Variants in CACNA1F observed in about 807,000 individuals in gnomAD.
The protein encoded by CACNA1F is calcium voltage-gated channel subunit alpha1 F.
Under a neutral mutation model 143.8 loss-of-function variants are expected in CACNA1F, and 59 were observed. The observed-to-expected ratio is 0.41, with a 90% CI of 0.33 to 0.51. The LOEUF (loss-of-function observed/expected upper bound fraction) is 0.51. CACNA1F is among the 20% of genes least tolerant of loss of function. CACNA1F has a pLI of 0.22. For synonymous variants in CACNA1F, 643 were observed against 649.1 expected (o/e 0.99, Z 0.14); for missense variants, 1,411 against 1,647.5 (o/e 0.86, Z 2.48).
intron 47 of CACNA1F, 40 bp from the exon 48 acceptor site, chrX:49,205,407 G>T: frequency 9.9e-7 from 1 of 1,006,814 alleles, no homozygotes; most frequent in South Asian, 2.0e-5. Context: ...GGACGGCACA[G>T]TGTGCACAGA....
rs781896787 is a variant in CACNA1F at position 49,210,364 on chromosome X, T to C, written c.4525A>G (p.Thr1509Ala). 17 of 1,206,417 alleles carry C rather than the reference T, an allele frequency of 1.4e-5. No homozygotes were observed. The highest frequency in any genetic ancestry group is 1.8e-5 in the Non-Finnish European group (16 of 892,131). The change falls in exon 39 of 48, where the codon ACG (threonine) becomes GCG (alanine). Residue 1509 changes from threonine to alanine, a missense_variant. Transcript: ENST00000323022. ...AMNMPLNSDGTVTFNATLFAL... is the reference protein window; with the variant it reads ...AMNMPLNSDGAVTFNATLFAL... ...AAGAGTGTGGCGTTGAATGTCACCG[T>C]CCCATCTGAGTTGAGGGGCATGTTC...
Position 49,211,431 on chromosome X carries a change from C to A in CACNA1F, c.4151G>T (p.Gly1384Val). The A allele has an allele frequency of 8.3e-7, 1 of 1,210,706 alleles. No homozygotes were observed. Residue 1384 changes from glycine to valine, a missense_variant, in exon 36 of 48, where the codon GGA (glycine) becomes GTA (valine). Gly to Val is a moderately radical substitution (Grantham distance 109). This residue lies in a region of CACNA1F where 112 missense variants were observed against 169.2 expected (regional missense o/e 0.66). Transcript: ENST00000323022. ...GTCAGACTCAGGATCACACCGATTT[C>A]CGGGAAGGCTGGCAAGCATTATCTC... The part of the protein sequence containing the change: ...WQEIMLASLP[G>V]NRCDPESDFG...
At chrX:49,230,431 C>T in intron 5 of CACNA1F, 36 bp downstream of exon 5, 6 of 1,207,384 alleles carry the variant, frequency 5.0e-6, no homozygotes, top group Non-Finnish European at 6.7e-6. Context: ...CCCACCCCCA[C>T]CCTCCACCTC....
intron 27 of CACNA1F, 97 bp from the exon 28 acceptor site, chrX:49,215,640 G>C (rs1268412281): frequency 1.8e-6 from 1 of 564,096 alleles, no homozygotes; most frequent in Non-Finnish European, 2.8e-6. Flanking sequence ...AGACACCCCA[G>C]AGTTTCCTGC....
rs782295388 is a variant in CACNA1F, at chrX:49,228,273, C to G, written c.992G>C (p.Gly331Ala). The G allele has an allele frequency of 1.7e-5, 20 of 1,210,430 alleles. No individual in the cohort carries two copies. The highest frequency in any genetic ancestry group is 1.2e-4 in the African/African-American group (7 of 57,511). Reference protein sequence around the residue: ...LTVFQCVTMEGWTDVLYWMQD... With the variant: ...LTVFQCVTMEAWTDVLYWMQD... ...CACCCAGTAGAGCACATCGGTCCAG[C>G]CTTCCATGGTGACACACTGGAAGAC... is the stretch of plus-strand genomic sequence containing the variant. Residue 331 changes from glycine (G) to alanine (A), a missense_variant, in exon 7 of 48, where the codon GGC becomes GCC. This residue lies in a region of CACNA1F where 950 missense variants were observed against 1,128.1 expected (regional missense o/e 0.84). Coordinates refer to ENST00000323022, the MANE Select transcript of CACNA1F (RefSeq NM_001256789.3).
intron 36 of CACNA1F, 31 bp from the exon 37 acceptor site, chrX:49,211,123 G>A: frequency 8.3e-7 from 1 of 1,202,774 alleles, no homozygotes. Flanking sequence ...GAGCAGTTAG[G>A]TGAAGGGCAG....
rs782530813 is a variant in CACNA1F, at chrX:49,212,702, G to A, written c.3907C>T (p.Arg1303Cys). ...VKLLSKGEGI[R>C]TLLWTFIKSF... is the part of the protein sequence containing the mutation. ...TTGATGAATGTCCAGAGCAATGTGC[G>A]GATCCCTTCACCCTTACTGAGAAGC... Residue 1303 changes from arginine to cysteine, a missense_variant, in exon 33 of 48, where the codon CGC becomes TGC. By Grantham distance (180) the Arg-to-Cys change is radical (BLOSUM62 -3). This residue lies in a region of CACNA1F where 950 missense variants were observed against 1,128.1 expected (regional missense o/e 0.84). Coordinates refer to ENST00000323022, the MANE Select transcript of CACNA1F (RefSeq NM_001256789.3). The A allele has an allele frequency of 2.1e-5, 25 of 1,206,968 alleles. No homozygotes were observed. The highest frequency in any genetic ancestry group is 4.6e-4 in the Middle Eastern group (2 of 4,363).
chrX:49,205,294 G>T lies in CACNA1F; in HGVS notation c.5744C>A (p.Ala1915Glu), dbSNP rs1557104543. Residue 1915 changes from alanine (A) to glutamate (E), a missense_variant, in exon 48 of 48, where the codon GCA becomes GAA. Transcript: ENST00000323022. ...RFVALAKQEI[A>E]DACRLTLDEM... ...ATCCAGCGTCAGGCGACACGCATCT[G>T]CAATCTCCTGCTTGGCCAGGGCCAC... 8.3e-6 allele frequency: 10 copies of T among 1,209,768 alleles called. No homozygotes were observed. Among genetic ancestry groups the T allele is most frequent in the Non-Finnish European group, 1.1e-5 (10 of 894,495 alleles).
In CACNA1F at chrX:49,224,984, A is replaced by G; in HGVS notation, c.1654T>C (p.Tyr552His). Residue 552 changes from tyrosine (Y) to histidine (H), a missense_variant and splice_region_variant, in exon 14 of 48, where the codon TAT becomes CAT. Transcript: ENST00000323022. ...QPVWLTQIQE[Y>H]ANKVLLCLFT... ...AGACAGAGCAACACTTTGTTGGCAT[A>G]CTCTGTGGGGAGAGAGGCAGGGATG... is the stretch of plus-strand genomic sequence containing the variant. 1 of 1,164,585 alleles carries G rather than the reference A, an allele frequency of 8.6e-7. No individual in the cohort carries two copies. The highest frequency in any genetic ancestry group is 1.2e-6 in the Non-Finnish European group (1 of 856,109).
At chrX:49,217,356 C>T (rs1394592282) in intron 26 of CACNA1F, among the ~76,000 whole-genome samples, 1 of 112,880 alleles carries the variant, frequency 8.9e-6, no homozygotes, top group African/African-American at 3.2e-5. Flanking sequence ...GAGATAGGCA[C>T]TGTTTAGCCC....
chrX:49,218,176 C>T (rs975323676), intron 24 of CACNA1F, among the ~76,000 whole-genome samples, 171 bp from the exon 25 acceptor site: 14 of 111,523 alleles, frequency 1.3e-4, no homozygotes, highest in South Asian at 3.8e-4. Flanking sequence ...GGGCTAGAGA[C>T]GTGTGGGCAT....
rs41312124 is a variant in CACNA1F at position 49,219,318 on chromosome X, C to T, written c.2673+3G>A. On this transcript the variant is annotated splice_donor_region_variant and intron_variant, in intron 21 of 47. Coordinates refer to ENST00000323022, the MANE Select transcript of CACNA1F (RefSeq NM_001256789.3). ...AGCTCCTAGCTCCCAGCCAAAGGCT[C>T]ACATGGTTGCGGAAGGAGTGGGCTC... 0.055 allele frequency: 66,591 copies of T among 1,205,572 alleles called. 1,438 individuals are homozygous for T. Among genetic ancestry groups the T allele is most frequent in the Non-Finnish European group, 0.063 (56,239 of 893,351 alleles).
rs1305695311 is a variant in CACNA1F at position 49,205,775 on chromosome X, C to T, written c.5511G>A (p.Leu1837=). 1.4e-5 allele frequency: 17 copies of T among 1,204,387 alleles called. No homozygotes were observed. The highest frequency in any genetic ancestry group is 3.5e-5 in the African/African-American group (2 of 57,599). Residue 1837 remains leucine, a synonymous_variant, in exon 47 of 48, where the codon CTG becomes CTA. Transcript: ENST00000323022. ...WATPPQRGRL[L]YAPLLLVEEG... ...CTTCCACCAACAACAGCGGGGCATA[C>T]AGGAGCCGACCCCGCTGAGGTGGTG...
intron 23 of CACNA1F, 22 bp downstream of exon 23, chrX:49,218,607 G>A: frequency 8.4e-7 from 1 of 1,183,780 alleles, no homozygotes; most frequent in Non-Finnish European, 1.1e-6. Context: ...GGAATGGGGT[G>A]GGCTGGGGAT....
At position 49,205,266 on chromosome X, in the gene CACNA1F, C is replaced by G; in HGVS notation, c.5772G>C (p.Glu1924Asp). The G allele has an allele frequency of 8.3e-7, 1 of 1,210,135 alleles. No homozygotes were observed. Among genetic ancestry groups the G allele is most frequent in the Non-Finnish European group, 1.1e-6 (1 of 894,564 alleles). ...GCAGGTCACTGGCAGCATTGTCCATCTCATCCAGCGTCAGGCGACACGCAT... is the reference window on the plus strand; with the variant it reads ...GCAGGTCACTGGCAGCATTGTCCATGTCATCCAGCGTCAGGCGACACGCAT... ...IADACRLTLD[E>D]MDNAASDLLA... The change falls in exon 48 of 48, where the codon GAG (glutamate) becomes GAC (aspartate). Residue 1924 changes from glutamate (E) to aspartate (D), a missense_variant. Coordinates refer to ENST00000323022, the MANE Select transcript of CACNA1F (RefSeq NM_001256789.3).
Position 49,230,845 on chromosome X carries a change from C to T in CACNA1F, c.521+5G>A, listed in dbSNP as rs1557111159. 2 of 1,173,572 alleles carry T rather than the reference C, an allele frequency of 1.7e-6. No homozygotes were observed. The highest frequency in any genetic ancestry group is 3.5e-5 in the African/African-American group (2 of 56,379). On this transcript the variant is annotated splice_donor_5th_base_variant and intron_variant, in intron 4 of 47. Transcript: ENST00000323022. ...TAGGGTGGGGTGCCTCCCGCAGACG[C>T]GCACCCGACCACGACGATGATGAAG...
At chrX:49,206,909 C>T in intron 44 of CACNA1F, 54 bp from the exon 45 acceptor site, 2 of 1,169,719 alleles carry the variant, frequency 1.7e-6, no homozygotes, top group Non-Finnish European at 1.2e-6. Flanking sequence ...GGACCTGGGC[C>T]TGGGAGATGG....
At chrX:49,211,821 C>T (rs2065659945) in intron 35 of CACNA1F, 77 bp downstream of exon 35, 1 of 798,342 alleles carries the variant, frequency 1.3e-6, no homozygotes, top group Non-Finnish European at 1.9e-6. Flanking sequence ...ATTCCCATAG[C>T]TCAAGCAGTC....
rs374658179 is a variant in CACNA1F, at chrX:49,218,009, C to T, written c.2929-4G>A. On this transcript the variant is annotated splice_region_variant and splice_polypyrimidine_tract_variant and intron_variant, in intron 24 of 47. Coordinates refer to ENST00000323022, the MANE Select transcript of CACNA1F (RefSeq NM_001256789.3). ...CAAATACACACTGCACCACATGCTG[C>T]GGGCACCCAAGCATATGGCTACTGA... 1.4e-5 allele frequency: 17 copies of T among 1,183,054 alleles called. No individual in the cohort carries two copies. The highest frequency in any genetic ancestry group is 1.1e-4 in the Admixed American group (5 of 45,651).
Sources: gnomAD v4.1 joint callset for allele counts (sites outside exome capture counted in the v4.1 genomes callset) on GRCh38, gnomAD v4.1.1 for gene constraint, gnomAD v4.1.1 regional missense constraint, MANE v1.5 for transcripts, NCBI Gene and HGNC (gene_info 2026-07-23, HGNC 2026-07-21) for gene names.